Variants in ARHGAP15 observed in about 807,000 individuals in gnomAD.
ARHGAP15 encodes the protein rho GTPase-activating protein 15.
ARHGAP15 carries 51 observed loss-of-function variants against 63.7 expected under a neutral mutation model. That is an observed-to-expected ratio of 0.80 (90% confidence interval 0.64 to 1.01). The LOEUF (loss-of-function observed/expected upper bound fraction) is 1.01, where lower values mean the gene tolerates loss of function less well. Ranked by LOEUF, ARHGAP15 falls within the 50% of genes least tolerant of loss-of-function variation. The pLI is 0.00. For missense variants in ARHGAP15, 560 were observed against 564.6 expected (o/e 0.99, Z 0.08); for synonymous variants, 191 against 193.8 (o/e 0.99, Z 0.12).
At position 143,569,667 on chromosome 2, in the gene ARHGAP15, G is replaced by C. The variant is rs188212180; in HGVS notation, c.1003+13182G>C. 1.4e-3 allele frequency among the ~76,000 whole-genome samples: 207 copies of C among 152,346 alleles called. 2 individuals are homozygous for C. Among genetic ancestry groups the C allele is most frequent in the African/African-American group, 4.9e-3 (204 of 41,584 alleles). On this transcript the variant is annotated intron_variant, in intron 11 of 13. Transcript: ENST00000295095. ...TTATTCTAAGCTCAGTGGAATGTCA[G>C]TGGGGTGTAGGGCAGCAGTAAGCAG...
chr2:143,184,643 A>C (rs1240138830), intron 2 of ARHGAP15, among the ~76,000 whole-genome samples: 6 of 151,826 alleles, frequency 4.0e-5, no homozygotes, highest in African/African-American at 1.5e-4. Context: ...AAAAAAAAAA[A>C]CTAAAAATAA....
chr2:143,552,145 T>A (rs951515400), intron 10 of ARHGAP15, among the ~76,000 whole-genome samples: 6 of 152,198 alleles, frequency 3.9e-5, no homozygotes, highest in African/African-American at 1.4e-4. Context: ...GTGCCATAAA[T>A]CTCAGGAGAG....
chr2:143,452,809 A>G (rs1405250463), intron 8 of ARHGAP15, among the ~76,000 whole-genome samples: 2 of 151,964 alleles, frequency 1.3e-5, no homozygotes, highest in Non-Finnish European at 2.9e-5. Flanking sequence ...ATTTCTACCT[A>G]TAATTTATCC....
chr2:143,320,869 T>A (rs1683986070), intron 6 of ARHGAP15, among the ~76,000 whole-genome samples: 1 of 152,160 alleles, frequency 6.6e-6, no homozygotes, highest in Admixed American at 6.5e-5. Context: ...TTGCGTGCTC[T>A]GCAGCAATGT....
At chr2:143,570,902 G>C (rs1430011808) in intron 11 of ARHGAP15, among the ~76,000 whole-genome samples, 49 of 152,252 alleles carry the variant, frequency 3.2e-4, no homozygotes, top group Non-Finnish European at 1.5e-5. Context: ...TCTAAAGCAG[G>C]GGTTTCCAGC....
chr2:143,744,480 A>T (rs1168657113), intron 13 of ARHGAP15, among the ~76,000 whole-genome samples: 1 of 152,178 alleles, frequency 6.6e-6, no homozygotes, highest in East Asian at 1.9e-4. Context: ...GGATTTTTTT[A>T]ATCCAATTGA....
At chr2:143,283,251 G>A (rs938813) in intron 6 of ARHGAP15, among the ~76,000 whole-genome samples, 397 of 152,146 alleles carry the variant, frequency 2.6e-3, no homozygotes, top group African/African-American at 9.0e-3. Flanking sequence ...CCTTCTCACC[G>A]CTTTCCTCAA....
chr2:143,412,107 A>T (rs1025716235), intron 6 of ARHGAP15, among the ~76,000 whole-genome samples: 1 of 152,200 alleles, frequency 6.6e-6, no homozygotes, highest in Non-Finnish European at 1.5e-5. Flanking sequence ...GAGAAGTGAC[A>T]TGATTCTGTT....
intron 2 of ARHGAP15, among the ~76,000 whole-genome samples, chr2:143,176,461 A>T (rs1442933475): frequency 6.6e-6 from 1 of 152,148 alleles, no homozygotes; most frequent in Non-Finnish European, 1.5e-5. Flanking sequence ...ATCCTAAATA[A>T]GCTTGAGTTT....
chr2:143,496,279 G>T (rs1481460668), intron 9 of ARHGAP15, among the ~76,000 whole-genome samples: 1 of 152,108 alleles, frequency 6.6e-6, no homozygotes. Flanking sequence ...GGGTGCACCT[G>T]GGTAGCAGGT....
intron 5 of ARHGAP15, among the ~76,000 whole-genome samples, chr2:143,229,369 T>C (rs1393922461): frequency 6.6e-6 from 1 of 152,232 alleles, no homozygotes; most frequent in African/African-American, 2.4e-5. Context: ...ATCCTGTAGT[T>C]ATTACAAAGT....
At position 143,361,534 on chromosome 2, in the gene ARHGAP15, C is replaced by A. The variant is rs1686054043; in HGVS notation, c.475-74067C>A. ...GTCACAGAAGATTCTGTGTTGCCAT[C>A]TGTCAGGAATTATTTACCAGTTTTT... On this transcript the variant is annotated intron_variant, in intron 6 of 13. Coordinates refer to ENST00000295095, the MANE Select transcript of ARHGAP15 (RefSeq NM_018460.4). 2.0e-5 allele frequency among the ~76,000 whole-genome samples: 3 copies of A among 152,270 alleles called. No individual in the cohort carries two copies. In the East Asian group the frequency reaches 5.8e-4, roughly 29 times the overall value.
intron 5 of ARHGAP15, among the ~76,000 whole-genome samples, chr2:143,230,555 T>A (rs1693394486): frequency 6.6e-6 from 1 of 152,236 alleles, no homozygotes; most frequent in African/African-American, 2.4e-5. Flanking sequence ...TCTTATGGTT[T>A]CTACCAGGCA....
At position 143,176,702 on chromosome 2, in the gene ARHGAP15, C is replaced by A. The variant is rs1278004063; in HGVS notation, c.165+21047C>A. On this transcript the variant is annotated intron_variant, in intron 2 of 13. Transcript: ENST00000295095. Reference sequence around the variant, plus strand: ...CACATATTCATGATCTACTGATAAACCATCCCCAACTGTGTATTTAACTTA... The same window carrying A: ...CACATATTCATGATCTACTGATAAAACATCCCCAACTGTGTATTTAACTTA... 2.0e-5 allele frequency among the ~76,000 whole-genome samples: 3 copies of A among 152,160 alleles called. No individual in the cohort carries two copies. In the East Asian group the frequency reaches 5.8e-4, roughly 29 times the overall value.
At chr2:143,618,757 C>A (rs1431335969) in intron 11 of ARHGAP15, among the ~76,000 whole-genome samples, 1 of 151,954 alleles carries the variant, frequency 6.6e-6, no homozygotes, top group African/African-American at 2.4e-5. Flanking sequence ...AAAATTGGAC[C>A]TGATATCACA....
intron 11 of ARHGAP15, among the ~76,000 whole-genome samples, chr2:143,612,469 C>G (rs576324315): frequency 2.6e-5 from 4 of 152,190 alleles, no homozygotes; most frequent in Non-Finnish European, 5.9e-5. Flanking sequence ...GACATCCTTC[C>G]TCACCCATCT....
chr2:143,399,519 C>T (rs2104992213), intron 6 of ARHGAP15, among the ~76,000 whole-genome samples: 1 of 152,060 alleles, frequency 6.6e-6, no homozygotes, highest in East Asian at 1.9e-4. Context: ...CAACAAGGAA[C>T]TAAGTTGCTG....
At chr2:143,421,573 A>G (rs1277100151) in intron 6 of ARHGAP15, among the ~76,000 whole-genome samples, 1 of 152,000 alleles carries the variant, frequency 6.6e-6, no homozygotes, top group Non-Finnish European at 1.5e-5. Flanking sequence ...AAATTCTGTG[A>G]TCCTTTAGTG....
At chr2:143,324,257 ATTTTTT>A (rs901017120) in intron 6 of ARHGAP15, among the ~76,000 whole-genome samples, 8 of 151,930 alleles carry the variant, frequency 5.3e-5, no homozygotes, top group African/African-American at 1.9e-4. Context: ...TAAGGTTAAT[ATTTTTT>A]TTACATTTTG....
Sources: allele counts gnomAD v4.1 joint callset (sites outside exome capture counted in the v4.1 genomes callset), GRCh38; gene constraint gnomAD v4.1.1; transcripts MANE v1.5; gene names NCBI Gene and HGNC (gene_info 2026-07-23, HGNC 2026-07-21).